ATOSA: variants seen among roughly 807,000 people sequenced by gnomAD.
ATOSA encodes atos homolog protein A.
At chr15:52,602,568 T>G in the ATOSA span, among the ~76,000 whole-genome samples, 2 of 152,082 alleles carry the variant, frequency 1.3e-5, no homozygotes, top group Non-Finnish European at 2.9e-5. Flanking sequence ...ATTTCATGGG[T>G]TCCAATTTAG....
the ATOSA span, among the ~76,000 whole-genome samples, chr15:52,692,695 C>T: frequency 1.3e-5 from 2 of 152,166 alleles, no homozygotes; most frequent in African/African-American, 4.8e-5. Context: ...GGGTCTCACT[C>T]TGTTGACTAG....
At chr15:52,684,726 T>C in the ATOSA span, among the ~76,000 whole-genome samples, 5 of 149,010 alleles carry the variant, frequency 3.4e-5, no homozygotes, top group African/African-American at 1.2e-4. Context: ...TCTTTCTTTC[T>C]TTTTTTCAAA....
the ATOSA span, among the ~76,000 whole-genome samples, chr15:52,682,467 C>CG: frequency 6.6e-6 from 1 of 151,946 alleles, no homozygotes; most frequent in African/African-American, 2.4e-5. Flanking sequence ...GGCCATGTGA[C>CG]TAAGAAAAAG....
At chr15:52,684,130 C>T in the ATOSA span, among the ~76,000 whole-genome samples, 10 of 152,354 alleles carry the variant, frequency 6.6e-5, no homozygotes, top group Admixed American at 5.9e-4. Flanking sequence ...TGTCACTATT[C>T]TCTAGAACTG....
the ATOSA span, among the ~76,000 whole-genome samples, chr15:52,621,854 CTTT>C: frequency 6.9e-6 from 1 of 144,886 alleles, no homozygotes. Flanking sequence ...CTTACTTTTT[CTTT>C]TTTTTTTTTT....
the ATOSA span, among the ~76,000 whole-genome samples, chr15:52,633,407 G>T: frequency 5.3e-5 from 8 of 152,180 alleles, no homozygotes; most frequent in Admixed American, 4.6e-4. Context: ...ATCCCAGGTG[G>T]GGAAATAAAC....
the ATOSA span, among the ~76,000 whole-genome samples, chr15:52,647,938 T>C: frequency 1.3e-5 from 2 of 152,162 alleles, no homozygotes; most frequent in African/African-American, 4.8e-5. Flanking sequence ...CCCTGTCTTC[T>C]TTTTCTGCCC....
At chr15:52,651,270 G>C in the ATOSA span, among the ~76,000 whole-genome samples, 1 of 152,224 alleles carries the variant, frequency 6.6e-6, no homozygotes, top group East Asian at 1.9e-4. Flanking sequence ...GAATTATGAT[G>C]CTTTATCTGA....
the ATOSA span, chr15:52,600,214 A>T: frequency 6.2e-7 from 1 of 1,608,860 alleles, no homozygotes; most frequent in Non-Finnish European, 8.5e-7. Context: ...GATCATCTTC[A>T]ATGTTTAAAC....
chr15:52,616,737 T>A, the ATOSA span, among the ~76,000 whole-genome samples: 1 of 152,136 alleles, frequency 6.6e-6, no homozygotes, highest in Non-Finnish European at 1.5e-5. Flanking sequence ...ACTGAGGCAA[T>A]GTACACCCAG....
At chr15:52,617,557 C>A in the ATOSA span, among the ~76,000 whole-genome samples, 8 of 151,958 alleles carry the variant, frequency 5.3e-5, no homozygotes, top group African/African-American at 1.9e-4. Flanking sequence ...AAAAGTAACA[C>A]ATTTAGTGAG....
the ATOSA span, chr15:52,608,985 ATT>A: frequency 6.2e-7 from 1 of 1,612,510 alleles, no homozygotes; most frequent in South Asian, 1.1e-5. Context: ...TAGTGGTGCA[ATT>A]TGAATACTGT....
chr15:52,684,738 T>A, the ATOSA span, among the ~76,000 whole-genome samples: 2 of 152,212 alleles, frequency 1.3e-5, no homozygotes, highest in African/African-American at 4.8e-5. Flanking sequence ...TTTTTCAAAT[T>A]TTTAAAGTTC....
the ATOSA span, among the ~76,000 whole-genome samples, chr15:52,627,950 C>G: frequency 6.6e-6 from 1 of 152,140 alleles, no homozygotes; most frequent in East Asian, 1.9e-4. Flanking sequence ...TTTCATCACA[C>G]TAAATCTCAC....
At chr15:52,625,402 T>C in the ATOSA span, among the ~76,000 whole-genome samples, 1 of 152,184 alleles carries the variant, frequency 6.6e-6, no homozygotes, top group Non-Finnish European at 1.5e-5. Context: ...TATACATAAA[T>C]ATTCTCATCT....
chr15:52,609,589 T>G, the ATOSA span: 1 of 1,613,190 alleles, frequency 6.2e-7, no homozygotes, highest in Non-Finnish European at 8.5e-7. Flanking sequence ...AATTTTCCCC[T>G]CATTGGTGTC....
the ATOSA span, chr15:52,600,264 C>T: frequency 7.4e-7 from 1 of 1,355,170 alleles, no homozygotes; most frequent in Non-Finnish European, 1.0e-6. Context: ...AGCAAAAGAA[C>T]ACATTAGCCA....
At chr15:52,702,779 CA>C in the ATOSA span, among the ~76,000 whole-genome samples, 38,216 of 91,928 alleles carry the variant, frequency 0.42, 5,366 homozygotes, top group East Asian at 0.55. Flanking sequence ...AAAGTGTTTC[CA>C]AAAAAAAAAA....
chr15:52,620,158 T>G, the ATOSA span, among the ~76,000 whole-genome samples: 1 of 152,164 alleles, frequency 6.6e-6, no homozygotes, highest in African/African-American at 2.4e-5. Context: ...GGGAAAACTT[T>G]GAACAACTGG....
Sources: gnomAD v4.1 joint callset for allele counts (sites outside exome capture counted in the v4.1 genomes callset) on GRCh38, gnomAD v4.1.1 for gene constraint, MANE v1.5 for transcripts, NCBI Gene and HGNC (gene_info 2026-07-23, HGNC 2026-07-21) for gene names.